FRMD6: variants seen among roughly 807,000 people sequenced by gnomAD.
The protein encoded by FRMD6 is FERM domain containing 6.
A neutral mutation model predicts 73.2 loss-of-function variants in FRMD6; 37 were observed. The ratio of observed to expected loss-of-function variants is 0.51; its 90% CI spans 0.39 to 0.66. The LOEUF (loss-of-function observed/expected upper bound fraction) is 0.66, where lower values mean the gene tolerates loss of function less well. FRMD6 is among the 30% of genes least tolerant of loss of function. FRMD6 has a pLI of 0.00. For synonymous variants in FRMD6, 273 were observed against 282.2 expected, an observed-to-expected ratio of 0.97 and a Z score of 0.33; for missense variants, 714 against 780.5, an observed-to-expected ratio of 0.91 and a Z score of 1.02.
chr14:51,422,914 G>A, the FRMD6 span, among the ~76,000 whole-genome samples: 6 of 152,188 alleles, frequency 3.9e-5, no homozygotes, highest in African/African-American at 1.2e-4. Flanking sequence ...CACATGGTTT[G>A]CCTTGACCAA....
At chr14:51,712,784 G>GAC (rs1326157792) in intron 9 of FRMD6, among the ~76,000 whole-genome samples, 2 of 152,188 alleles carry the variant, frequency 1.3e-5, no homozygotes, top group Non-Finnish European at 2.9e-5. Context: ...TTACAGTAAA[G>GAC]ACTCTTATAG....
At chr14:51,533,748 C>T (rs1056276282) in intron 1 of FRMD6, among the ~76,000 whole-genome samples, 4 of 152,192 alleles carry the variant, frequency 2.6e-5, no homozygotes, top group African/African-American at 9.7e-5. Flanking sequence ...CATTGCCAGG[C>T]CCTTAGACCC....
At chr14:51,635,278 C>T (rs1891508650) in intron 2 of FRMD6, among the ~76,000 whole-genome samples, 1 of 152,164 alleles carries the variant, frequency 6.6e-6, no homozygotes, top group African/African-American at 2.4e-5. Flanking sequence ...TGCCTGTGAT[C>T]CCAGCCACTC....
chr14:51,417,537 G>T, the FRMD6 span, among the ~76,000 whole-genome samples: 4 of 152,206 alleles, frequency 2.6e-5, no homozygotes, highest in African/African-American at 9.7e-5. Context: ...AATCTGATGG[G>T]CTTCCCTTTG....
the FRMD6 span, among the ~76,000 whole-genome samples, chr14:51,416,431 A>G: frequency 6.6e-6 from 1 of 152,206 alleles, no homozygotes; most frequent in Non-Finnish European, 1.5e-5. Context: ...ATTCGGGAGC[A>G]GGTTGTTCAG....
intron 6 of FRMD6, among the ~76,000 whole-genome samples, chr14:51,706,928 A>T (rs1374274580): frequency 6.6e-6 from 1 of 152,024 alleles, no homozygotes; most frequent in African/African-American, 2.4e-5. Flanking sequence ...CTGTCAAACT[A>T]TTGCTGTCTG....
intron 12 of FRMD6, chr14:51,723,999 G>T (rs772504553): frequency 6.6e-6 from 1 of 151,988 alleles, no homozygotes; most frequent in Non-Finnish European, 1.5e-5. Context: ...GGATGTTAGG[G>T]TTATAGATAT....
At chr14:51,517,122 G>A (rs1214401324) in intron 1 of FRMD6, among the ~76,000 whole-genome samples, 4 of 152,182 alleles carry the variant, frequency 2.6e-5, no homozygotes, top group Admixed American at 6.5e-5. Context: ...TATGAAAAAT[G>A]CCTAAAATTT....
chr14:51,447,401 A>G, the FRMD6 span, among the ~76,000 whole-genome samples: 2 of 152,132 alleles, frequency 1.3e-5, no homozygotes, highest in African/African-American at 4.8e-5. Flanking sequence ...GTGTTCTTCT[A>G]TACAGTCCAG....
intron 7 of FRMD6, among the ~76,000 whole-genome samples, chr14:51,710,660 CATGGG>C (rs1472152718): frequency 6.6e-6 from 1 of 152,110 alleles, no homozygotes; most frequent in Non-Finnish European, 1.5e-5. Context: ...ATCCCATGTT[CATGGG>C]AAAGCTGGCA....
At chr14:51,486,318 T>G (rs1048213811), upstream of FRMD6, among the ~76,000 whole-genome samples, 21 of 151,838 alleles carry the variant, frequency 1.4e-4, no homozygotes, top group Non-Finnish European at 2.4e-4. Context: ...ACAGGCATGA[T>G]CCACCATGCC....
chr14:51,721,631 G>A (rs141894824), intron 11 of FRMD6, among the ~76,000 whole-genome samples: 1 of 67,112 alleles, frequency 1.5e-5, no homozygotes, highest in East Asian at 4.7e-4. Context: ...GAAAGAAAGA[G>A]AGGGAGGGAG....
chr14:51,627,627 C>G (rs562296276), intron 2 of FRMD6, among the ~76,000 whole-genome samples: 21 of 152,298 alleles, frequency 1.4e-4, no homozygotes, highest in Non-Finnish European at 2.4e-4. Flanking sequence ...AAAGATCAAA[C>G]AAAGCAAGCA....
intron 2 of FRMD6, among the ~76,000 whole-genome samples, chr14:51,626,797 GA>G (rs1306583691): frequency 6.6e-6 from 1 of 152,140 alleles, no homozygotes; most frequent in African/African-American, 2.4e-5. Context: ...CTACAAAATA[GA>G]GATAACTATT....
intron 2 of FRMD6, among the ~76,000 whole-genome samples, chr14:51,608,875 A>T (rs2139850294): frequency 6.6e-6 from 1 of 152,272 alleles, no homozygotes; most frequent in Non-Finnish European, 1.5e-5. Context: ...AGTGATCCAT[A>T]AAGTGGCTAC....
chr14:51,666,886 A>G (rs1197752213), intron 1 of FRMD6, among the ~76,000 whole-genome samples: 2 of 152,186 alleles, frequency 1.3e-5, no homozygotes, highest in East Asian at 3.8e-4. Context: ...TGTATTCCCA[A>G]CACCTCAGGA....
chr14:51,423,142 A>G, the FRMD6 span, among the ~76,000 whole-genome samples: 3 of 152,216 alleles, frequency 2.0e-5, no homozygotes, highest in Non-Finnish European at 4.4e-5. Flanking sequence ...GAGATTCTGT[A>G]GTTGCGTAGC....
intron 2 of FRMD6, among the ~76,000 whole-genome samples, chr14:51,603,112 C>T (rs972657674): frequency 6.6e-6 from 1 of 152,208 alleles, no homozygotes; most frequent in African/African-American, 2.4e-5. Flanking sequence ...GCCAGCTCTT[C>T]CACCACATGT....
chr14:51,691,875 G>A lies in FRMD6; in HGVS notation c.99+1940G>A, dbSNP rs556354605. On this transcript the variant is annotated intron_variant, in intron 2 of 13. Transcript: ENST00000344768. ...CTCCCAAAGTGCTAGGATTACAGGC[G>A]TGAGCCATTGTGCCTGGCTATGTTA... is the stretch of plus-strand genomic sequence containing the variant. 1.1e-3 allele frequency among the ~76,000 whole-genome samples: 163 copies of A among 152,144 alleles called. 1 individual carries two copies. The highest frequency in any genetic ancestry group is 3.6e-3 in the African/African-American group (149 of 41,546).
Sources: gnomAD v4.1 joint callset for allele counts (sites outside exome capture counted in the v4.1 genomes callset) on GRCh38, gnomAD v4.1.1 for gene constraint, MANE v1.5 for transcripts, NCBI Gene and HGNC (gene_info 2026-07-23, HGNC 2026-07-21) for gene names.